Variants in SGCD observed in about 807,000 individuals in gnomAD.
SGCD encodes the protein delta-sarcoglycan.
In SGCD, 18 loss-of-function variants were observed where a neutral mutation model predicts 36.6. The observed-to-expected ratio is 0.49, with a 90% CI of 0.34 to 0.73. The LOEUF is 0.73. Ranked by LOEUF, SGCD falls within the 30% of genes least tolerant of loss-of-function variation. SGCD has a pLI of 0.01. For missense variants in SGCD, 387 were observed against 346.7 expected, an observed-to-expected ratio of 1.12 and a Z score of -0.92; for synonymous variants, 133 against 130.6, an observed-to-expected ratio of 1.02 and a Z score of -0.12.
the SGCD span, among the ~76,000 whole-genome samples, chr5:155,842,262 T>TC: frequency 1.3e-5 from 2 of 151,106 alleles, no homozygotes; most frequent in African/African-American, 2.4e-5. Flanking sequence ...TTTTTTTTTT[T>TC]TTCTAATAGC....
intron 3 of SGCD, among the ~76,000 whole-genome samples, chr5:156,171,123 AG>A (rs2127622173): frequency 6.6e-6 from 1 of 152,354 alleles, no homozygotes; most frequent in African/African-American, 2.4e-5. Flanking sequence ...TAATTTTCCA[AG>A]GAGGTACCAA....
intron 4 of SGCD, among the ~76,000 whole-genome samples, chr5:156,575,256 G>T (rs1205180071): frequency 6.6e-6 from 1 of 152,212 alleles, no homozygotes; most frequent in Non-Finnish European, 1.5e-5. Context: ...ATGGGGAAGA[G>T]ACAGCTGCCT....
At chr5:156,153,585 A>G (rs1476182900) in intron 3 of SGCD, among the ~76,000 whole-genome samples, 1 of 151,662 alleles carries the variant, frequency 6.6e-6, no homozygotes, top group African/African-American at 2.4e-5. Context: ...CCTTGGCCTT[A>G]TTTTGGCTGA....
chr5:156,526,736 G>A (rs1415186129), intron 4 of SGCD, among the ~76,000 whole-genome samples: 2 of 151,916 alleles, frequency 1.3e-5, no homozygotes, highest in Non-Finnish European at 2.9e-5. Flanking sequence ...TGAACCAGCT[G>A]CTTACATTTT....
At chr5:156,478,354 G>A (rs1755280467) in intron 3 of SGCD, among the ~76,000 whole-genome samples, 1 of 152,074 alleles carries the variant, frequency 6.6e-6, no homozygotes, top group Non-Finnish European at 1.5e-5. Flanking sequence ...AGGTTCTTTT[G>A]AGATCAGGCA....
At chr5:155,836,263 G>T in the SGCD span, among the ~76,000 whole-genome samples, 6 of 152,158 alleles carry the variant, frequency 3.9e-5, no homozygotes, top group African/African-American at 1.4e-4. Context: ...TGTTCCAGAT[G>T]TGGAGCCCTC....
At chr5:155,955,183 A>G (rs1332767108) in intron 1 of SGCD, among the ~76,000 whole-genome samples, 1 of 152,118 alleles carries the variant, frequency 6.6e-6, no homozygotes, top group Non-Finnish European at 1.5e-5. Flanking sequence ...ACCCTCACAG[A>G]CACTCTCAGA....
intron 7 of SGCD, among the ~76,000 whole-genome samples, chr5:156,729,313 C>G (rs1378100127): frequency 2.0e-5 from 3 of 152,214 alleles, no homozygotes; most frequent in African/African-American, 7.2e-5. Context: ...TACCATCCCC[C>G]TGACTGGCAT....
chr5:156,475,260 T>C (rs931462152), intron 3 of SGCD, among the ~76,000 whole-genome samples: 1 of 152,162 alleles, frequency 6.6e-6, no homozygotes, highest in African/African-American at 2.4e-5. Flanking sequence ...AAATCAGTCT[T>C]TCAGCTGCAG....
chr5:156,532,230 C>T (rs1757917988), intron 4 of SGCD, among the ~76,000 whole-genome samples: 1 of 152,156 alleles, frequency 6.6e-6, no homozygotes. Context: ...TAAGTGTCTG[C>T]AGGGTTTTGC....
At position 155,933,876 on chromosome 5, in the gene SGCD, T is replaced by C. The variant is rs1757145783; in HGVS notation, c.-282+63452T>C. Among the ~76,000 whole-genome samples the C allele has an allele frequency of 2.0e-5, 3 of 152,210 alleles. No homozygotes were observed. The South Asian group carries it at 6.2e-4, about 31-fold the overall frequency. On this transcript the variant is annotated intron_variant, in intron 1 of 9. Coordinates refer to the SGCD transcript ENST00000517913. ...TTCAGAGAAGACCGTCAGTTAAGGC[T>C]TGTTGATTTCAAGCAACAGAACCTG...
intron 1 of SGCD, among the ~76,000 whole-genome samples, chr5:156,043,664 G>C (rs552987579): frequency 6.6e-6 from 1 of 152,232 alleles, no homozygotes; most frequent in East Asian, 1.9e-4. Context: ...CAGCCCATCT[G>C]GCACAGACTG....
At chr5:156,621,517 G>GT (rs1561820197) in intron 6 of SGCD, among the ~76,000 whole-genome samples, 3 of 133,322 alleles carry the variant, frequency 2.3e-5, no homozygotes, top group African/African-American at 9.7e-5. Context: ...AAGCATTTAC[G>GT]TTAAAAAAAA....
At position 155,976,850 on chromosome 5, in the gene SGCD, C is replaced by G. The variant is rs1210172252; in HGVS notation, c.-282+106426C>G. ...AACCCTCCAGCTGCCCACATCTCTCCAAGCCTGCAACCACTGTGTTACCAT... is the reference window on the plus strand; with the variant it reads ...AACCCTCCAGCTGCCCACATCTCTCGAAGCCTGCAACCACTGTGTTACCAT... On this transcript the variant is annotated intron_variant, in intron 1 of 9. Transcript: ENST00000517913. Among the ~76,000 whole-genome samples, 3 of 152,124 alleles carry G rather than the reference C, an allele frequency of 2.0e-5. No individual in the cohort carries two copies. The East Asian group carries it at 5.8e-4, about 29-fold the overall frequency.
chr5:155,851,815 C>T, the SGCD span, among the ~76,000 whole-genome samples: 42,247 of 152,106 alleles, frequency 0.28, 7,415 homozygotes, highest in East Asian at 0.44. Context: ...CTGTGGGAAA[C>T]GGTGTAGTAT....
At chr5:156,511,749 A>T (rs1756938139) in intron 4 of SGCD, among the ~76,000 whole-genome samples, 1 of 152,170 alleles carries the variant, frequency 6.6e-6, no homozygotes, top group South Asian at 2.1e-4. Context: ...AGAGCAGCAG[A>T]TTGTCTGGAT....
At chr5:155,745,752 C>G in the SGCD span, among the ~76,000 whole-genome samples, 1 of 152,134 alleles carries the variant, frequency 6.6e-6, no homozygotes, top group South Asian at 2.1e-4. Flanking sequence ...AGTTGTACAA[C>G]CTTATTAGTA....
At chr5:155,938,548 A>G (rs1561656310) in intron 1 of SGCD, among the ~76,000 whole-genome samples, 1 of 152,326 alleles carries the variant, frequency 6.6e-6, no homozygotes, top group East Asian at 1.9e-4. Flanking sequence ...GTATTGAAAT[A>G]TAGATGAAGT....
At chr5:155,996,348 C>T (rs140203822) in intron 1 of SGCD, among the ~76,000 whole-genome samples, 92 of 152,260 alleles carry the variant, frequency 6.0e-4, no homozygotes, top group African/African-American at 2.1e-3. Flanking sequence ...GCAAGCCATG[C>T]CTTTCCCTCT....
Sources: gnomAD v4.1 joint callset for allele counts (sites outside exome capture counted in the v4.1 genomes callset) on GRCh38, gnomAD v4.1.1 for gene constraint, MANE v1.5 for transcripts, NCBI Gene and HGNC (gene_info 2026-07-23, HGNC 2026-07-21) for gene names.